Variants in CD2AP observed in about 807,000 individuals in gnomAD.
CD2AP encodes the protein CD2-associated protein.
A neutral mutation model predicts 85.1 loss-of-function variants in CD2AP; 46 were observed. The observed-to-expected ratio is 0.54, with a 90% confidence interval of 0.43 to 0.69. CD2AP has a LOEUF of 0.69. CD2AP is among the 30% of genes least tolerant of loss of function. CD2AP has a pLI of 0.00. For missense variants in CD2AP, 769 were observed against 729.5 expected (o/e 1.05, Z -0.62); for synonymous variants, 255 against 252.9 (o/e 1.01, Z -0.08).
rs1318510595 is a variant in CD2AP at position 47,597,402 on chromosome 6, G to A, written c.1274+1376G>A. Among the ~76,000 whole-genome samples the A allele has an allele frequency of 1.3e-5, 2 of 150,644 alleles. 1 individual carries two copies. The highest frequency in any genetic ancestry group is 4.8e-5 in the African/African-American group (2 of 41,240). ...ATGATGATGTTAGAAAAGCCAAGAA[G>A]CAGACAGCATAGAGGACCCAGAGGC... On this transcript the variant is annotated intron_variant, in intron 12 of 17. Transcript: ENST00000359314.
rs113598973 is a variant in CD2AP at position 47,585,302 on chromosome 6, C to CA, written c.1108+3250dup. On this transcript the variant is annotated intron_variant, in intron 11 of 17. Coordinates refer to ENST00000359314, the MANE Select transcript of CD2AP (RefSeq NM_012120.3). ...TGGGCGACAGAGCAAGACTCCGTCT[C>CA]AAAAAAAAAAAAAGGAAGGTGATGC... Among the ~76,000 whole-genome samples the CA allele has an allele frequency of 8.1e-3, 1,014 of 125,956 alleles. 8 individuals carry two copies. The highest frequency in any genetic ancestry group is 0.024 in the African/African-American group (792 of 33,664). The allele number at this position is 125,956 out of a possible 152,430, so 82.6% of individuals were successfully genotyped here.
chr6:47,527,614 G>T (rs1487602602), intron 2 of CD2AP, among the ~76,000 whole-genome samples: 1 of 152,184 alleles, frequency 6.6e-6, no homozygotes, highest in African/African-American at 2.4e-5. Context: ...TGAAGAGGCT[G>T]CCCAGTAGAA....
chr6:47,580,363 A>G (rs532134340), intron 9 of CD2AP, among the ~76,000 whole-genome samples: 1 of 152,192 alleles, frequency 6.6e-6, no homozygotes, highest in Non-Finnish European at 1.5e-5. Context: ...GAGAAAAAAC[A>G]TGTCTTTGCC....
intron 16 of CD2AP, among the ~76,000 whole-genome samples, chr6:47,609,691 C>A (rs1366396724): frequency 4.0e-5 from 6 of 151,846 alleles, no homozygotes; most frequent in Non-Finnish European, 5.9e-5. Flanking sequence ...AAAACCAAGA[C>A]CCTGTCTCAA....
At chr6:47,518,007 C>T (rs548695459) in intron 2 of CD2AP, among the ~76,000 whole-genome samples, 2 of 152,170 alleles carry the variant, frequency 1.3e-5, no homozygotes, top group East Asian at 3.9e-4. Context: ...GTTTATCCCC[C>T]TAGGTAGAAT....
chr6:47,581,932 T>A, intron 10 of CD2AP, 71 bp from the exon 11 acceptor site: 1 of 983,414 alleles, frequency 1.0e-6, no homozygotes, highest in South Asian at 1.3e-5. Context: ...CATCTTTACT[T>A]TTTAGAAGTG....
chr6:47,480,633 T>C (rs1233868844), intron 1 of CD2AP, among the ~76,000 whole-genome samples: 1 of 152,176 alleles, frequency 6.6e-6, no homozygotes, highest in East Asian at 1.9e-4. Context: ...GTTAGGAGGA[T>C]TGAATGAGTT....
At chr6:47,583,243 A>C (rs942302899) in intron 11 of CD2AP, among the ~76,000 whole-genome samples, 1 of 152,180 alleles carries the variant, frequency 6.6e-6, no homozygotes, top group Non-Finnish European at 1.5e-5. Context: ...TGTTAAAATC[A>C]GTGAGCCTTC....
intron 1 of CD2AP, among the ~76,000 whole-genome samples, chr6:47,492,534 T>C (rs1239650262): frequency 6.6e-6 from 1 of 151,900 alleles, no homozygotes; most frequent in Non-Finnish European, 1.5e-5. Context: ...TTTGTAGAGA[T>C]AGCATCTTGC....
rs144265461 is a variant in CD2AP, at chr6:47,492,593, G to T, written c.5-10687G>T. 2.2e-3 allele frequency among the ~76,000 whole-genome samples: 341 copies of T among 152,004 alleles called. 2 individuals carry two copies. Among genetic ancestry groups the T allele is most frequent in the African/African-American group, 7.7e-3 (321 of 41,486 alleles). On this transcript the variant is annotated intron_variant, in intron 1 of 17. Transcript: ENST00000359314. ...ACTCCTGGCCTCAGGTTATCCTCCCGCCTGGGATTACAGGTGTGAGCTACT... is the reference window on the plus strand; with the variant it reads ...ACTCCTGGCCTCAGGTTATCCTCCCTCCTGGGATTACAGGTGTGAGCTACT...
chr6:47,550,103 AGTTCT>A (rs1767472845), intron 4 of CD2AP, among the ~76,000 whole-genome samples: 1 of 152,220 alleles, frequency 6.6e-6, no homozygotes, highest in Non-Finnish European at 1.5e-5. Context: ...AAACTGTAAC[AGTTCT>A]TGAAGATAAC....
At chr6:47,486,796 G>A (rs910051490) in intron 1 of CD2AP, among the ~76,000 whole-genome samples, 4 of 152,112 alleles carry the variant, frequency 2.6e-5, no homozygotes, top group African/African-American at 7.2e-5. Context: ...CATTTATCAC[G>A]ATTATTGTAA....
At chr6:47,541,285 G>A (rs1490803374) in intron 3 of CD2AP, among the ~76,000 whole-genome samples, 1 of 151,960 alleles carries the variant, frequency 6.6e-6, no homozygotes, top group Non-Finnish European at 1.5e-5. Context: ...CACCACGCCC[G>A]GCTAATTTTT....
chr6:47,537,067 G>A (rs1249093976), intron 3 of CD2AP, among the ~76,000 whole-genome samples: 1 of 152,184 alleles, frequency 6.6e-6, no homozygotes, highest in Non-Finnish European at 1.5e-5. Flanking sequence ...TATTTTGAGT[G>A]TAAAAGATAC....
chr6:47,583,293 C>T (rs1371770157), intron 11 of CD2AP, among the ~76,000 whole-genome samples: 1 of 152,126 alleles, frequency 6.6e-6, no homozygotes, highest in African/African-American at 2.4e-5. Context: ...TCCATAGTTT[C>T]CTTTAGTGTT....
chr6:47,505,598 G>A (rs1365663450), intron 2 of CD2AP, among the ~76,000 whole-genome samples: 9 of 124,118 alleles, frequency 7.3e-5, no homozygotes, highest in Non-Finnish European at 8.7e-5. Flanking sequence ...CCTCCCGGAC[G>A]GGGCGGCTGG....
At chr6:47,588,435 C>G (rs1768689157) in intron 11 of CD2AP, among the ~76,000 whole-genome samples, 1 of 152,008 alleles carries the variant, frequency 6.6e-6, no homozygotes, top group Non-Finnish European at 1.5e-5. Flanking sequence ...ATGAAGGATT[C>G]TTTAAAATCT....
chr6:47,497,365 TTCCCC>T (rs1765891187), intron 1 of CD2AP, among the ~76,000 whole-genome samples: 1 of 141,374 alleles, frequency 7.1e-6, no homozygotes, highest in African/African-American at 2.6e-5. Flanking sequence ...CCCCTTCCCC[TTCCCC>T]TTCTCCTTCC....
intron 3 of CD2AP, among the ~76,000 whole-genome samples, chr6:47,542,057 T>C (rs1183971520): frequency 6.6e-6 from 1 of 152,262 alleles, no homozygotes; most frequent in Non-Finnish European, 1.5e-5. Context: ...ATCTTACTCA[T>C]ATTTCATTGT....
Sources: allele counts gnomAD v4.1 joint callset (sites outside exome capture counted in the v4.1 genomes callset), GRCh38; gene constraint gnomAD v4.1.1; transcripts MANE v1.5; gene names NCBI Gene and HGNC (gene_info 2026-07-23, HGNC 2026-07-21).